Variants in FCRL2 observed in about 807,000 individuals in gnomAD.
The protein encoded by FCRL2 is Fc receptor-like protein 2.
FCRL2 carries 48 observed loss-of-function variants against 59.8 expected under a neutral mutation model. The ratio of observed to expected loss-of-function variants is 0.80; its 90% CI spans 0.64 to 1.02. The LOEUF (loss-of-function observed/expected upper bound fraction) is 1.02, where lower values mean the gene tolerates loss of function less well. FCRL2 is among the 50% of genes least tolerant of loss of function. The probability of loss-of-function intolerance (pLI) is 0.00; values close to 1 mark genes in which losing one functional copy is unlikely to be tolerated. For missense variants in FCRL2, 658 were observed against 597.3 expected (o/e 1.10, Z -1.06); for synonymous variants, 251 against 229.5 (o/e 1.09, Z -0.85).
rs1424424077 is a variant in FCRL2 at position 157,746,033 on chromosome 1, C to T, written c.*703G>A. ...AAACACACAATCTCCCAAGATTGAA[C>T]CAGGAAGAGACAGAAACCCCTCCTA... On this transcript the variant is annotated 3_prime_UTR_variant, in exon 12 of 12. Transcript: ENST00000361516. 1 of 152,122 alleles carries T rather than the reference C, an allele frequency of 6.6e-6. No homozygotes were observed. Among genetic ancestry groups the T allele is most frequent in the Non-Finnish European group, 1.5e-5 (1 of 68,022 alleles). The allele number at this position is 152,122 out of a possible 1,614,324, so 9.4% of individuals were successfully genotyped here.
intron 7 of FCRL2, among the ~76,000 whole-genome samples, chr1:157,758,084 C>A (rs1648739688): frequency 6.6e-6 from 1 of 152,216 alleles, no homozygotes; most frequent in African/African-American, 2.4e-5. Context: ...CAACTATTGT[C>A]TTTTGTAAGT....
intron 7 of FCRL2, among the ~76,000 whole-genome samples, chr1:157,766,175 ATTGT>A (rs1649476692): frequency 6.6e-6 from 1 of 152,236 alleles, no homozygotes; most frequent in African/African-American, 2.4e-5. Flanking sequence ...AGCACATTAA[ATTGT>A]TTGTGTTCCT....
intron 5 of FCRL2, 96 bp from the exon 6 acceptor site, chr1:157,767,605 T>A (rs1392857925): frequency 1.9e-6 from 3 of 1,614,026 alleles, no homozygotes; most frequent in Non-Finnish European, 2.5e-6. Context: ...CCTGGCCCCA[T>A]GGCTGTTGCA....
intron 7 of FCRL2, among the ~76,000 whole-genome samples, chr1:157,751,452 G>C (rs2101673631): frequency 6.6e-6 from 1 of 152,366 alleles, no homozygotes; most frequent in South Asian, 2.1e-4. Context: ...ATTAAGGCCA[G>C]CTTGGTGTGG....
intron 5 of FCRL2, 120 bp downstream of exon 5, chr1:157,768,294 A>G (rs1056798547): frequency 2.9e-6 from 3 of 1,017,120 alleles, no homozygotes; most frequent in Admixed American, 5.1e-5. Context: ...CCATTTTCAA[A>G]TTGCTTTTGG....
At chr1:157,759,967 G>T (rs186988173) in intron 7 of FCRL2, among the ~76,000 whole-genome samples, 1 of 152,018 alleles carries the variant, frequency 6.6e-6, no homozygotes, top group African/African-American at 2.4e-5. Context: ...AATATAAATC[G>T]TTCTACTGTA....
chr1:157,772,246 G>A (rs190750108), intron 2 of FCRL2, among the ~76,000 whole-genome samples: 1 of 151,972 alleles, frequency 6.6e-6, no homozygotes, highest in Non-Finnish European at 1.5e-5. Flanking sequence ...ATAGGAAGAC[G>A]AGTCATGATT....
intron 8 of FCRL2, among the ~76,000 whole-genome samples, chr1:157,749,434 C>CCT (rs1648013251): frequency 6.6e-6 from 1 of 152,046 alleles, no homozygotes; most frequent in African/African-American, 2.4e-5. Context: ...TGTATGTAAT[C>CCT]CTATACAAGA....
chr1:157,749,650 C>G lies in FCRL2; in HGVS notation c.1307G>C (p.Arg436Thr), dbSNP rs562187995. ...AATTTTTACTAGGAAGAGTTCTCAC[C>G]TGGGTTCATTAGTGGCAGAACTTTC... ...SGESSATNEPRGASRPNPQEF... is the reference protein window; with the variant it reads ...SGESSATNEPTGASRPNPQEF... The change falls in exon 8 of 12, where the codon AGA becomes ACA. Residue 436 changes from arginine to threonine, a missense_variant and splice_region_variant. Coordinates refer to ENST00000361516, the MANE Select transcript of FCRL2 (RefSeq NM_030764.4). 2.2e-5 allele frequency: 35 copies of G among 1,607,800 alleles called. No individual in the cohort carries two copies. In the Admixed American group the frequency reaches 3.7e-4, roughly 17 times the overall value.
chr1:157,768,920 T>C, intron 4 of FCRL2: 1 of 507,682 alleles, frequency 2.0e-6, no homozygotes. Flanking sequence ...TCATGGGTAG[T>C]AATATTTAAA....
chr1:157,763,292 G>A (rs1395960807), intron 7 of FCRL2, among the ~76,000 whole-genome samples: 1 of 152,146 alleles, frequency 6.6e-6, no homozygotes, highest in Non-Finnish European at 1.5e-5. Context: ...GGAGGCCGGG[G>A]CAGGAGGGTC....
chr1:157,767,069 G>T, intron 6 of FCRL2, 98 bp from the exon 7 acceptor site: 1 of 1,335,576 alleles, frequency 7.5e-7, no homozygotes, highest in South Asian at 1.4e-5. Flanking sequence ...TCAAGTAAGA[G>T]ATCATTGAAG....
intron 2 of FCRL2, among the ~76,000 whole-genome samples, chr1:157,771,987 C>G (rs550111637): frequency 7.4e-4 from 112 of 151,588 alleles, no homozygotes; most frequent in Middle Eastern, 3.4e-3. Context: ...GCTATTTCAG[C>G]AGAACCAGAA....
At chr1:157,767,181 G>A (rs375577956) in intron 6 of FCRL2, 50 bp downstream of exon 6, 36 of 1,558,600 alleles carry the variant, frequency 2.3e-5, no homozygotes, top group Admixed American at 5.6e-5. Flanking sequence ...CCAGGCTGGT[G>A]AGACACAGCC....
chr1:157,764,029 C>CAAAAAAAAAAAAA (rs34230382), intron 7 of FCRL2, among the ~76,000 whole-genome samples: 1 of 103,254 alleles, frequency 9.7e-6, no homozygotes, highest in African/African-American at 4.1e-5. Flanking sequence ...GACTTCATCT[C>CAAAAAAAAAAAAA]AAAAAAAAAA....
intron 7 of FCRL2, among the ~76,000 whole-genome samples, chr1:157,761,775 G>A (rs1343497164): frequency 3.9e-5 from 6 of 151,918 alleles, no homozygotes; most frequent in Non-Finnish European, 5.9e-5. Flanking sequence ...CTAAATTCTT[G>A]ACAAATTAGA....
Position 157,767,266 on chromosome 1 carries a change from G to T in FCRL2, c.1127C>A (p.Ala376Asp). 1 of 1,614,104 alleles carries T rather than the reference G, an allele frequency of 6.2e-7. No individual in the cohort carries two copies. ...YSCEANNGLGAQCSEAVPVSI... is the reference protein window; with the variant it reads ...YSCEANNGLGDQCSEAVPVSI... Reference sequence around the variant, plus strand: ...GACTGGCACTGCCTCACTGCACTGGGCCCCCAGGCCGTTGTTGGCCTCACA... The same window carrying T: ...GACTGGCACTGCCTCACTGCACTGGTCCCCCAGGCCGTTGTTGGCCTCACA... Residue 376 changes from alanine (A) to aspartate (D), a missense_variant, in exon 6 of 12, where the codon GCC becomes GAC. Coordinates refer to ENST00000361516, the MANE Select transcript of FCRL2 (RefSeq NM_030764.4).
At chr1:157,771,518 T>C (rs1169037924) in intron 2 of FCRL2, among the ~76,000 whole-genome samples, 2 of 152,204 alleles carry the variant, frequency 1.3e-5, no homozygotes, top group Non-Finnish European at 2.9e-5. Context: ...TCAGAAAATT[T>C]TTCTCATCCA....
At chr1:157,764,813 A>G (rs978187521) in intron 7 of FCRL2, among the ~76,000 whole-genome samples, 1 of 152,252 alleles carries the variant, frequency 6.6e-6, no homozygotes, top group Non-Finnish European at 1.5e-5. Flanking sequence ...TGTGGGATAC[A>G]GCAAAGTAGT....
Sources: allele counts gnomAD v4.1 joint callset (sites outside exome capture counted in the v4.1 genomes callset), GRCh38; gene constraint gnomAD v4.1.1; transcripts MANE v1.5; gene names NCBI Gene and HGNC (gene_info 2026-07-23, HGNC 2026-07-21).